The following ASCC3 variants were observed in gnomAD, a reference collection of about 807,000 sequenced individuals.
The protein encoded by ASCC3 is activating signal cointegrator 1 complex subunit 3, also known as ASC-1 complex subunit P200.
A neutral mutation model predicts 256.3 loss-of-function variants in ASCC3; 158 were observed. That is an observed-to-expected ratio of 0.62 (90% CI 0.54 to 0.70). The LOEUF is 0.70. Among genes scored for constraint, ASCC3 ranks in the 30% least tolerant of loss-of-function variants. The probability of loss-of-function intolerance (pLI) is 0.00; values close to 1 mark genes in which losing one functional copy is unlikely to be tolerated. For missense variants in ASCC3, 2,259 were observed against 2,626.0 expected, an observed-to-expected ratio of 0.86 and a Z score of 3.05; for synonymous variants, 948 against 883.4, an observed-to-expected ratio of 1.07 and a Z score of -1.30.
chr6:100,541,092 C>T (rs912285475), intron 36 of ASCC3, among the ~76,000 whole-genome samples: 1 of 151,786 alleles, frequency 6.6e-6, no homozygotes, highest in African/African-American at 2.4e-5. Context: ...TAGAACTGTT[C>T]TGTTAAAAAA....
At chr6:100,800,068 A>G (rs1582882073) in intron 6 of ASCC3, among the ~76,000 whole-genome samples, 1 of 152,060 alleles carries the variant, frequency 6.6e-6, no homozygotes, top group East Asian at 1.9e-4. Context: ...GCTTAGCTCT[A>G]TAATCTAAAT....
At chr6:100,583,209 C>A (rs1334936787) in intron 36 of ASCC3, among the ~76,000 whole-genome samples, 1 of 152,202 alleles carries the variant, frequency 6.6e-6, no homozygotes, top group African/African-American at 2.4e-5. Context: ...GTGAATCCAT[C>A]TGGTCCTGGA....
At chr6:100,632,182 T>TAAAAAA (rs35229827) in intron 25 of ASCC3, among the ~76,000 whole-genome samples, 33 of 101,976 alleles carry the variant, frequency 3.2e-4, no homozygotes, top group African/African-American at 4.1e-4. Context: ...GCAAACTATC[T>TAAAAAA]AAAAAAAAAA....
chr6:100,696,758 A>G (rs1243399631), intron 13 of ASCC3, among the ~76,000 whole-genome samples: 3 of 152,080 alleles, frequency 2.0e-5, no homozygotes, highest in Admixed American at 6.5e-5. Context: ...TAAAATAAAC[A>G]TGTATACAAG....
At chr6:100,670,298 C>T (rs1387547392) in intron 14 of ASCC3, among the ~76,000 whole-genome samples, 3 of 151,998 alleles carry the variant, frequency 2.0e-5, no homozygotes, top group East Asian at 1.9e-4. Context: ...GCACAGTCTT[C>T]CCATGGTATC....
chr6:100,622,223 A>G (rs1208187914), intron 30 of ASCC3, among the ~76,000 whole-genome samples: 2 of 152,098 alleles, frequency 1.3e-5, no homozygotes. Context: ...ACCCTAACCC[A>G]AATCTCATCG....
intron 34 of ASCC3, among the ~76,000 whole-genome samples, chr6:100,594,663 C>A (rs866584861): frequency 2.0e-5 from 3 of 152,048 alleles, no homozygotes; most frequent in African/African-American, 2.4e-5. Context: ...AGCATATGAT[C>A]CAGCAATCCC....
At chr6:100,699,977 C>A (rs533720151) in intron 13 of ASCC3, among the ~76,000 whole-genome samples, 1 of 152,224 alleles carries the variant, frequency 6.6e-6, no homozygotes, top group East Asian at 1.9e-4. Flanking sequence ...AAATGTGCAA[C>A]CTAACAATGC....
At chr6:100,582,143 G>A (rs1771317932) in intron 36 of ASCC3, among the ~76,000 whole-genome samples, 3 of 151,946 alleles carry the variant, frequency 2.0e-5, no homozygotes, top group Admixed American at 2.0e-4. Context: ...GTAGCTTGAT[G>A]GGGATGGCAT....
intron 36 of ASCC3, 51 bp downstream of exon 36, chr6:100,589,583 A>G: frequency 1.2e-6 from 2 of 1,607,980 alleles, no homozygotes; most frequent in Non-Finnish European, 1.7e-6. Flanking sequence ...AGGTGGCAAA[A>G]CTTTAAGCCC....
intron 7 of ASCC3, 83 bp from the exon 8 acceptor site, chr6:100,798,921 A>C: frequency 1.6e-6 from 2 of 1,231,130 alleles, no homozygotes; most frequent in South Asian, 1.3e-5. Flanking sequence ...GAGAGACAGA[A>C]AACACTACTG....
intron 36 of ASCC3, among the ~76,000 whole-genome samples, chr6:100,587,798 T>C (rs1239357526): frequency 2.0e-5 from 3 of 152,194 alleles, no homozygotes; most frequent in Non-Finnish European, 2.9e-5. Flanking sequence ...GAAAGAAACA[T>C]GCTGCTGACA....
chr6:100,782,794 T>G (rs1336249), intron 8 of ASCC3, among the ~76,000 whole-genome samples: 142,888 of 151,950 alleles, frequency 0.94, 67,505 homozygotes, highest in South Asian at 0.99. Context: ...AGCTGCAGAA[T>G]AGTATTATAA....
intron 36 of ASCC3, among the ~76,000 whole-genome samples, chr6:100,567,027 C>A (rs1014256770): frequency 1.3e-5 from 2 of 152,068 alleles, no homozygotes; most frequent in African/African-American, 4.8e-5. Flanking sequence ...CTCAGTTAAT[C>A]ACTATCCCCT....
At chr6:100,817,603 T>G (rs1466430102) in intron 4 of ASCC3, among the ~76,000 whole-genome samples, 2 of 109,354 alleles carry the variant, frequency 1.8e-5, no homozygotes, top group Middle Eastern at 5.4e-3. Context: ...CACTACTAAG[T>G]TGAAAGAAGT....
At position 100,799,463 on chromosome 6, in the gene ASCC3, T is replaced by C. The variant is rs2114340163; in HGVS notation, c.1237A>G (p.Met413Val). Residue 413 changes from methionine (M) to valine (V), a missense_variant, in exon 7 of 42, where the codon ATG becomes GTG. By Grantham distance (21) the Met-to-Val change is conservative. Around this residue, in one of 2 missense-constraint regions of ASCC3, gnomAD observed 1,839 missense variants for 2,206.7 expected, o/e 0.83. Transcript: ENST00000369162. Reference protein sequence around the residue: ...PHVYDSQAEAMKTSAFIAGAK... With the variant: ...PHVYDSQAEAVKTSAFIAGAK... Reference sequence around the variant, plus strand: ...CCAGCAATAAATGCTGATGTTTTCATGGCTTCAGCCTGGGAATCATACACA... The same window carrying C: ...CCAGCAATAAATGCTGATGTTTTCACGGCTTCAGCCTGGGAATCATACACA... The C allele has an allele frequency of 6.2e-7, 1 of 1,613,066 alleles. No homozygotes were observed. Among genetic ancestry groups the C allele is most frequent in the Non-Finnish European group, 8.5e-7 (1 of 1,179,478 alleles).
chr6:100,777,736 GA>G (rs1182919206), intron 8 of ASCC3, among the ~76,000 whole-genome samples: 1 of 152,092 alleles, frequency 6.6e-6, no homozygotes, highest in Non-Finnish European at 1.5e-5. Flanking sequence ...TTGAAATGTT[GA>G]AGGAACTGTA....
chr6:100,837,624 C>T (rs994631925), intron 4 of ASCC3, among the ~76,000 whole-genome samples: 7 of 151,922 alleles, frequency 4.6e-5, no homozygotes, highest in African/African-American at 1.5e-4. Context: ...TAAAATAAGC[C>T]GGGCACAGTA....
Position 100,798,801 on chromosome 6 carries a change from T to C in ASCC3, c.1307A>G (p.Lys436Arg). ...GGGAATCCTTACTTCTTCATAAAGC[T>C]TGTTATTCTCTCTTTGGATTCCTTC... ...LPEGIQRENN[K>R]LYEEVRIPYS... is the part of the protein sequence containing the mutation. The change falls in exon 8 of 42, where the codon AAG (lysine) becomes AGG (arginine). Residue 436 changes from lysine to arginine, a missense_variant. Physicochemically the swap from Lys to Arg is conservative, Grantham distance 26. Around this residue, in one of 2 missense-constraint regions of ASCC3, gnomAD observed 1,839 missense variants for 2,206.7 expected, o/e 0.83. Transcript: ENST00000369162. The C allele has an allele frequency of 6.2e-7, 1 of 1,612,946 alleles. No individual in the cohort carries two copies. The highest frequency in any genetic ancestry group is 8.5e-7 in the Non-Finnish European group (1 of 1,179,488).
Sources: allele counts gnomAD v4.1 joint callset (sites outside exome capture counted in the v4.1 genomes callset), GRCh38; gene constraint gnomAD v4.1.1; regional missense constraint gnomAD v4.1.1; transcripts MANE v1.5; gene names NCBI Gene and HGNC (gene_info 2026-07-23, HGNC 2026-07-21).